Variants in FTO observed in about 807,000 individuals in gnomAD.
The protein encoded by FTO is FTO alpha-ketoglutarate dependent dioxygenase, also known as alpha-ketoglutarate-dependent dioxygenase FTO.
FTO carries 47 observed loss-of-function variants against 63.9 expected under a neutral mutation model. That is an observed-to-expected ratio of 0.74 (90% CI 0.58 to 0.94). FTO has a LOEUF of 0.94. FTO is among the 40% of genes least tolerant of loss of function. FTO has a pLI of 0.00. For missense variants in FTO, 562 were observed against 618.1 expected (o/e 0.91, Z 0.96); for synonymous variants, 207 against 224.4 (o/e 0.92, Z 0.69).
At chr16:54,035,205 A>G (rs1295743600) in intron 8 of FTO, among the ~76,000 whole-genome samples, 1 of 152,230 alleles carries the variant, frequency 6.6e-6, no homozygotes, top group Non-Finnish European at 1.5e-5. Context: ...TAAATCAGTA[A>G]TTTACAGGTA....
rs190400205 is a variant in FTO, at chr16:53,995,634, G to A, written c.1364+61525G>A. Among the ~76,000 whole-genome samples, 55 of 152,324 alleles carry A rather than the reference G, an allele frequency of 3.6e-4. No homozygotes were observed. The East Asian group carries it at 8.9e-3, about 25-fold the overall frequency. The stretch of plus-strand genomic sequence containing the variant: ...CTAAAATGAAACATGATGCCATGGA[G>A]CAAATTAAGAGGAAAGCTTTCAGAG... On this transcript the variant is annotated intron_variant, in intron 8 of 8. Transcript: ENST00000471389.
rs550669144 is a variant in FTO, at chr16:54,015,408, A to G, written c.1364+81299A>G. On this transcript the variant is annotated intron_variant, in intron 8 of 8. Coordinates refer to ENST00000471389, the MANE Select transcript of FTO (RefSeq NM_001080432.3). Reference sequence around the variant, plus strand: ...TGGTAACAATTGTAAGAGTTGAAGTAGCACCTTAAGGAGTAATTTTCAGAG... The same window carrying G: ...TGGTAACAATTGTAAGAGTTGAAGTGGCACCTTAAGGAGTAATTTTCAGAG... Among the ~76,000 whole-genome samples, 20 of 152,338 alleles carry G rather than the reference A, an allele frequency of 1.3e-4. No individual in the cohort carries two copies. The South Asian group carries it at 3.3e-3, about 25-fold the overall frequency.
intron 8 of FTO, among the ~76,000 whole-genome samples, chr16:54,000,731 G>T (rs1045110581): frequency 1.3e-5 from 2 of 152,176 alleles, no homozygotes; most frequent in African/African-American, 4.8e-5. Context: ...GTATGTCTCA[G>T]ACAACACGAT....
chr16:53,960,298 G>T (rs1336789000), intron 8 of FTO, among the ~76,000 whole-genome samples: 1 of 152,160 alleles, frequency 6.6e-6, no homozygotes, highest in Admixed American at 6.5e-5. Context: ...AAACCAGTGG[G>T]ATCATGTGTG....
chr16:53,776,254 T>C (rs1483692321), intron 1 of FTO, among the ~76,000 whole-genome samples: 1 of 152,120 alleles, frequency 6.6e-6, no homozygotes, highest in Non-Finnish European at 1.5e-5. Context: ...TGCTGAAGTG[T>C]GTGTTGTGAA....
chr16:53,729,870 C>T (rs536572120), intron 1 of FTO, among the ~76,000 whole-genome samples: 23 of 152,202 alleles, frequency 1.5e-4, no homozygotes, highest in Non-Finnish European at 2.6e-4. Context: ...ATGTTGTGTA[C>T]ACTTCCTTAG....
intron 6 of FTO, among the ~76,000 whole-genome samples, chr16:53,886,620 T>TTTTTG (rs907619691): frequency 5.3e-5 from 8 of 152,216 alleles, no homozygotes; most frequent in Admixed American, 6.5e-5. Context: ...CTACATTCCT[T>TTTTTG]TTTTGTTTTG....
At chr16:53,944,954 A>G (rs1401165539) in intron 8 of FTO, among the ~76,000 whole-genome samples, 3 of 152,178 alleles carry the variant, frequency 2.0e-5, no homozygotes, top group African/African-American at 7.2e-5. Flanking sequence ...TGCAGGGAAG[A>G]ACACTAGACA....
intron 1 of FTO, among the ~76,000 whole-genome samples, chr16:53,784,178 T>G (rs1004426392): frequency 1.3e-5 from 2 of 152,224 alleles, no homozygotes; most frequent in African/African-American, 2.4e-5. Flanking sequence ...TCCTTAAAGA[T>G]TCTATGTACT....
intron 4 of FTO, among the ~76,000 whole-genome samples, chr16:53,863,621 C>A (rs1003121016): frequency 1.3e-5 from 2 of 152,150 alleles, no homozygotes; most frequent in African/African-American, 4.8e-5. Context: ...GCAGCACATC[C>A]AGGGGTCTGT....
At chr16:54,051,486 C>T (rs1379589421) in intron 8 of FTO, among the ~76,000 whole-genome samples, 6 of 152,196 alleles carry the variant, frequency 3.9e-5, no homozygotes, top group African/African-American at 1.2e-4. Flanking sequence ...CAGGCTTTGC[C>T]GTGGATCTGC....
In FTO at chr16:53,983,195, A is replaced by C. The variant is rs189541303; in HGVS notation, c.1364+49086A>C. 1.1e-4 allele frequency among the ~76,000 whole-genome samples: 16 copies of C among 152,268 alleles called. No homozygotes were observed. In the South Asian group the frequency reaches 1.5e-3, roughly 14 times the overall value. On this transcript the variant is annotated intron_variant, in intron 8 of 8. Coordinates refer to ENST00000471389, the MANE Select transcript of FTO (RefSeq NM_001080432.3). ...TGGTTTTTCTCCATCCTAACGGTAA[A>C]AGAGTCAAGCTGAAAATGCATGTCT... is the stretch of plus-strand genomic sequence containing the variant.
intron 8 of FTO, among the ~76,000 whole-genome samples, chr16:54,005,039 C>T (rs1403556070): frequency 2.1e-5 from 3 of 145,620 alleles, no homozygotes; most frequent in Non-Finnish European, 4.5e-5. Flanking sequence ...CACGGCACTC[C>T]AGCCTGGGCC....
intron 8 of FTO, chr16:54,070,945 G>C (rs762983229): frequency 6.6e-6 from 1 of 152,228 alleles, no homozygotes; most frequent in Non-Finnish European, 1.5e-5. Context: ...CTCCACACTT[G>C]CTCTCAAGAC....
At chr16:53,792,300 T>TTTG (rs768233290) in intron 1 of FTO, among the ~76,000 whole-genome samples, 1 of 152,208 alleles carries the variant, frequency 6.6e-6, no homozygotes, top group African/African-American at 2.4e-5. Flanking sequence ...CTAAGGGATT[T>TTTG]TTGTTGTTGT....
chr16:53,980,409 A>T (rs923850644), intron 8 of FTO, among the ~76,000 whole-genome samples: 1 of 152,214 alleles, frequency 6.6e-6, no homozygotes, highest in Non-Finnish European at 1.5e-5. Flanking sequence ...TATACCCTAC[A>T]TGTGGACTCT....
chr16:53,781,139 C>A (rs906700921), intron 1 of FTO, among the ~76,000 whole-genome samples: 12 of 152,170 alleles, frequency 7.9e-5, no homozygotes, highest in Non-Finnish European at 1.5e-5. Flanking sequence ...TTATTAAAAT[C>A]TGAGATATAA....
At chr16:53,941,443 A>C (rs1370776859) in intron 8 of FTO, among the ~76,000 whole-genome samples, 6 of 152,216 alleles carry the variant, frequency 3.9e-5, no homozygotes, top group Non-Finnish European at 7.4e-5. Context: ...AAAATGAAGT[A>C]ACCTGACATT....
intron 4 of FTO, among the ~76,000 whole-genome samples, chr16:53,862,298 C>T (rs769920527): frequency 3.3e-5 from 5 of 152,022 alleles, no homozygotes; most frequent in African/African-American, 7.2e-5. Flanking sequence ...CTATGGATAT[C>T]GTTCTGTGAC....
Sources: allele counts gnomAD v4.1 joint callset (sites outside exome capture counted in the v4.1 genomes callset), GRCh38; gene constraint gnomAD v4.1.1; transcripts MANE v1.5; gene names NCBI Gene and HGNC (gene_info 2026-07-23, HGNC 2026-07-21).